ERBB4: variants seen among roughly 807,000 people sequenced by gnomAD.
The protein encoded by ERBB4 is receptor tyrosine-protein kinase erbB-4.
ERBB4 carries 42 observed loss-of-function variants against 158.0 expected under a neutral mutation model. The ratio of observed to expected loss-of-function variants is 0.27; its 90% CI spans 0.21 to 0.34. The LOEUF is 0.34. Among genes scored for constraint, ERBB4 ranks in the 10% least tolerant of loss-of-function variants. The pLI is 1.00. For synonymous variants in ERBB4, 583 were observed against 558.7 expected, an observed-to-expected ratio of 1.04 and a Z score of -0.61; for missense variants, 1,333 against 1,624.1, an observed-to-expected ratio of 0.82 and a Z score of 3.08.
At chr2:212,237,619 T>G (rs2083926978) in intron 1 of ERBB4, among the ~76,000 whole-genome samples, 1 of 152,196 alleles carries the variant, frequency 6.6e-6, no homozygotes, top group Non-Finnish European at 1.5e-5. Context: ...CTGGGAGGTC[T>G]GCTGCTCTCT....
intron 20 of ERBB4, among the ~76,000 whole-genome samples, chr2:211,472,304 A>T (rs1280014579): frequency 6.7e-6 from 1 of 148,898 alleles, no homozygotes; most frequent in East Asian, 1.9e-4. Context: ...TATTTATTAT[A>T]AATCTTATTA....
rs571618101 is a variant in ERBB4, at chr2:212,001,653, C to A, written c.235-54037G>T. Among the ~76,000 whole-genome samples, 6 of 152,228 alleles carry A rather than the reference C, an allele frequency of 3.9e-5. No individual in the cohort carries two copies. In the South Asian group the frequency reaches 1.2e-3, roughly 32 times the overall value. On this transcript the variant is annotated intron_variant, in intron 2 of 27. Transcript: ENST00000342788. ...GAGAACCACACTTTTTAAGAAAAGT[C>A]TTTTGTTTATTCTGCTCTGACAGAT... is the stretch of plus-strand genomic sequence containing the variant.
intron 1 of ERBB4, among the ~76,000 whole-genome samples, chr2:212,163,437 G>A (rs747008063): frequency 1.3e-5 from 2 of 151,992 alleles, no homozygotes; most frequent in Admixed American, 6.6e-5. Context: ...GCCATTTGCT[G>A]GTGTTCTAAA....
intron 16 of ERBB4, among the ~76,000 whole-genome samples, chr2:211,647,936 G>A (rs1230866608): frequency 3.3e-5 from 5 of 151,490 alleles, no homozygotes; most frequent in East Asian, 1.9e-4. Context: ...TTCCTTTGCC[G>A]TACTATACCT....
chr2:211,634,554 C>G (rs1230449787), intron 16 of ERBB4, among the ~76,000 whole-genome samples: 1 of 151,854 alleles, frequency 6.6e-6, no homozygotes, highest in Non-Finnish European at 1.5e-5. Flanking sequence ...TTATGAGGAC[C>G]CTTTGGGTAG....
At chr2:211,802,505 T>C (rs2076523575) in intron 3 of ERBB4, among the ~76,000 whole-genome samples, 1 of 152,198 alleles carries the variant, frequency 6.6e-6, no homozygotes, top group East Asian at 1.9e-4. Flanking sequence ...TCTTGAAGAA[T>C]TGTTGCAAAC....
At chr2:212,127,040 A>G (rs1252490316) in intron 1 of ERBB4, among the ~76,000 whole-genome samples, 1 of 152,218 alleles carries the variant, frequency 6.6e-6, no homozygotes, top group Non-Finnish European at 1.5e-5. Flanking sequence ...ATTTTCTAGA[A>G]GTACTCTGTT....
intron 1 of ERBB4, among the ~76,000 whole-genome samples, chr2:212,498,808 G>A (rs965530238): frequency 6.6e-6 from 1 of 151,928 alleles, no homozygotes; most frequent in African/African-American, 2.4e-5. Context: ...ACTACTAGTA[G>A]TAATTAATTA....
intron 3 of ERBB4, among the ~76,000 whole-genome samples, chr2:211,883,980 T>A (rs1382756913): frequency 6.6e-6 from 1 of 152,168 alleles, no homozygotes; most frequent in African/African-American, 2.4e-5. Context: ...TTATATAATA[T>A]GAAATAGAGA....
chr2:212,177,902 T>G (rs1172990978), intron 1 of ERBB4, among the ~76,000 whole-genome samples: 1 of 151,728 alleles, frequency 6.6e-6, no homozygotes, highest in Non-Finnish European at 1.5e-5. Context: ...AGCTAAGTTC[T>G]GAATGATGAA....
At chr2:211,813,289 C>A (rs990954589) in intron 3 of ERBB4, among the ~76,000 whole-genome samples, 2 of 152,184 alleles carry the variant, frequency 1.3e-5, no homozygotes, top group African/African-American at 4.8e-5. Context: ...TAATGGAATT[C>A]TCTGAGATTA....
intron 5 of ERBB4, among the ~76,000 whole-genome samples, chr2:211,740,191 G>T (rs2074742746): frequency 6.6e-6 from 1 of 152,102 alleles, no homozygotes; most frequent in East Asian, 1.9e-4. Context: ...TGCTCTATCA[G>T]CTCCGTTATA....
intron 1 of ERBB4, among the ~76,000 whole-genome samples, chr2:212,398,447 A>C (rs1033946667): frequency 1.3e-5 from 2 of 152,162 alleles, no homozygotes; most frequent in Admixed American, 1.3e-4. Context: ...TTTTATGGCT[A>C]TACAAGATCA....
At chr2:211,656,186 C>T (rs1043958404) in intron 16 of ERBB4, among the ~76,000 whole-genome samples, 52 of 152,274 alleles carry the variant, frequency 3.4e-4, no homozygotes, top group Middle Eastern at 3.4e-3. Context: ...AGGTAGCTTC[C>T]AGGGCTCTGT....
intron 12 of ERBB4, among the ~76,000 whole-genome samples, chr2:211,682,050 TCA>T (rs60803024): frequency 0.14 from 18,594 of 134,304 alleles, 1,481 homozygotes; most frequent in East Asian, 0.33. Context: ...TTTATACACA[TCA>T]CACACACACA....
chr2:211,707,517 T>TCCCC (rs2073497132), intron 9 of ERBB4, among the ~76,000 whole-genome samples: 1 of 152,176 alleles, frequency 6.6e-6, no homozygotes, highest in Non-Finnish European at 1.5e-5. Flanking sequence ...GTTTATTATT[T>TCCCC]CCCTTCCATT....
At chr2:211,536,848 T>G (rs79426471) in intron 20 of ERBB4, among the ~76,000 whole-genome samples, 3 of 151,960 alleles carry the variant, frequency 2.0e-5, no homozygotes, top group Non-Finnish European at 4.4e-5. Context: ...TTGGCTCACA[T>G]TGCAACATAA....
chr2:211,971,567 T>C (rs761989315), intron 2 of ERBB4, among the ~76,000 whole-genome samples: 1 of 152,064 alleles, frequency 6.6e-6, no homozygotes, highest in Non-Finnish European at 1.5e-5. Flanking sequence ...ACCAGTATCA[T>C]CCTGATACCA....
At chr2:211,453,454 G>C (rs1428222076) in intron 20 of ERBB4, among the ~76,000 whole-genome samples, 1 of 151,976 alleles carries the variant, frequency 6.6e-6, no homozygotes, top group Non-Finnish European at 1.5e-5. Flanking sequence ...TTTTTATACT[G>C]TAGTACTATT....
Sources: gnomAD v4.1 joint callset for allele counts (sites outside exome capture counted in the v4.1 genomes callset) on GRCh38, gnomAD v4.1.1 for gene constraint, MANE v1.5 for transcripts, NCBI Gene and HGNC (gene_info 2026-07-23, HGNC 2026-07-21) for gene names.